The following PRR16 variants were observed in gnomAD, a reference collection of about 807,000 sequenced individuals.
PRR16 encodes proline rich 16.
In PRR16, 6 loss-of-function variants were observed where a neutral mutation model predicts 18.2. The ratio of observed to expected loss-of-function variants is 0.33; its 90% confidence interval spans 0.18 to 0.65. The LOEUF is 0.65. Among genes scored for constraint, PRR16 ranks in the 30% least tolerant of loss-of-function variants. The probability of loss-of-function intolerance (pLI) is 0.74; values close to 1 mark genes in which losing one functional copy is unlikely to be tolerated. For synonymous variants in PRR16, 151 were observed against 147.8 expected (o/e 1.02, Z -0.16); for missense variants, 412 against 376.6 (o/e 1.09, Z -0.78).
the PRR16 span, among the ~76,000 whole-genome samples, chr5:120,785,509 TAATTATTTG>T: frequency 2.2e-5 from 3 of 138,550 alleles, no homozygotes; most frequent in African/African-American, 8.7e-5. Flanking sequence ...TCTATCAGAT[TAATTATTTG>T]ATTTACTTGT....
the PRR16 span, among the ~76,000 whole-genome samples, chr5:120,707,185 A>G: frequency 1.3e-5 from 2 of 152,220 alleles, no homozygotes; most frequent in African/African-American, 2.4e-5. Context: ...TTAGGGGGCT[A>G]TGAAGGCCAT....
intron 1 of PRR16, among the ~76,000 whole-genome samples, chr5:120,503,095 A>AT (rs1750520806): frequency 6.6e-6 from 1 of 152,190 alleles, no homozygotes. Flanking sequence ...GGTTAAAGAC[A>AT]TTGAAAGCCC....
rs1389170551 is a variant in PRR16, at chr5:120,686,549, C to T, written c.755C>T (p.Pro252Leu). ...GKIPHQGPPL[P>L]PTPHLPPFPL... is the part of the protein sequence containing the mutation. ...ATTCCTCACCAAGGCCCTCCCCTCC[C>T]TCCTACACCCCATCTCCCTCCTTTC... The change falls in exon 2 of 2, where the codon CCT becomes CTT. Residue 252 changes from proline to leucine, a missense_variant. Physicochemically the swap from Pro to Leu is moderately conservative, Grantham distance 98. Coordinates refer to ENST00000407149, the MANE Select transcript of PRR16 (RefSeq NM_001300783.2). The T allele has an allele frequency of 8.1e-6, 13 of 1,613,674 alleles. No individual in the cohort carries two copies. The highest frequency in any genetic ancestry group is 1.3e-5 in the African/African-American group (1 of 74,828).
the PRR16 span, among the ~76,000 whole-genome samples, chr5:120,707,573 C>A: frequency 6.6e-6 from 1 of 152,152 alleles, no homozygotes; most frequent in Admixed American, 6.6e-5. Flanking sequence ...GCCATATAAT[C>A]TGCCTGACTG....
the PRR16 span, among the ~76,000 whole-genome samples, chr5:120,698,950 C>A: frequency 6.6e-6 from 1 of 152,244 alleles, no homozygotes; most frequent in East Asian, 1.9e-4. Context: ...GAAGGCTAAA[C>A]TGAGGAATTA....
chr5:120,577,174 AAATC>A (rs1433926430), intron 1 of PRR16, among the ~76,000 whole-genome samples: 80 of 152,190 alleles, frequency 5.3e-4, no homozygotes, highest in Middle Eastern at 3.4e-3. Context: ...TAGCCAAACA[AAATC>A]AATATGTGTT....
At chr5:120,737,622 C>T in the PRR16 span, among the ~76,000 whole-genome samples, 1 of 150,362 alleles carries the variant, frequency 6.7e-6, no homozygotes, top group Admixed American at 6.6e-5. Context: ...ACTGCTCCCT[C>T]TCTTAGTTTT....
At chr5:120,769,681 AT>A in the PRR16 span, among the ~76,000 whole-genome samples, 1 of 151,610 alleles carries the variant, frequency 6.6e-6, no homozygotes, top group Non-Finnish European at 1.5e-5. Flanking sequence ...TGGAATGCAG[AT>A]TTTTTTTGAC....
At chr5:120,519,366 G>A (rs550486387) in intron 1 of PRR16, among the ~76,000 whole-genome samples, 38 of 152,156 alleles carry the variant, frequency 2.5e-4, no homozygotes, top group African/African-American at 7.0e-4. Context: ...TGATAATTAC[G>A]TAATAAAAAG....
intron 1 of PRR16, among the ~76,000 whole-genome samples, chr5:120,648,563 A>G (rs1190270432): frequency 1.3e-5 from 2 of 152,114 alleles, no homozygotes; most frequent in African/African-American, 4.8e-5. Flanking sequence ...GAGAATAAAT[A>G]TCTCTATTAT....
the PRR16 span, among the ~76,000 whole-genome samples, chr5:120,694,162 A>C: frequency 6.6e-6 from 1 of 152,108 alleles, no homozygotes; most frequent in Non-Finnish European, 1.5e-5. Flanking sequence ...CTTCTTACCA[A>C]ATTACTCGTG....
chr5:120,675,493 C>G (rs527588263), intron 1 of PRR16, among the ~76,000 whole-genome samples: 2 of 152,278 alleles, frequency 1.3e-5, no homozygotes, highest in African/African-American at 2.4e-5. Flanking sequence ...CTGTATTCCA[C>G]TTTCAAATTT....
the PRR16 span, among the ~76,000 whole-genome samples, chr5:120,751,523 A>G: frequency 1.3e-5 from 2 of 151,980 alleles, no homozygotes; most frequent in African/African-American, 2.4e-5. Context: ...TATTTCTCTG[A>G]TGATTAGTGA....
chr5:120,671,807 T>TATC (rs1561607429), intron 1 of PRR16, among the ~76,000 whole-genome samples: 1 of 152,162 alleles, frequency 6.6e-6, no homozygotes, highest in African/African-American at 2.4e-5. Context: ...TAAATATGTG[T>TATC]GTGTACATAT....
At chr5:120,693,068 T>C in the PRR16 span, among the ~76,000 whole-genome samples, 1 of 152,180 alleles carries the variant, frequency 6.6e-6, no homozygotes, top group Non-Finnish European at 1.5e-5. Context: ...GCCAAATAAA[T>C]ATCATGACTT....
intron 1 of PRR16, among the ~76,000 whole-genome samples, chr5:120,476,372 T>G (rs150834588): frequency 0.011 from 1,639 of 152,320 alleles, 14 homozygotes; most frequent in Middle Eastern, 0.017. Flanking sequence ...TTGATATCTG[T>G]GCTCCTTATG....
chr5:120,638,808 T>C (rs951786177), intron 1 of PRR16, among the ~76,000 whole-genome samples: 1 of 152,118 alleles, frequency 6.6e-6, no homozygotes, highest in Non-Finnish European at 1.5e-5. Flanking sequence ...TATCTCTCTG[T>C]TTTTCTGATT....
At chr5:120,492,983 C>T (rs1750116081) in intron 1 of PRR16, among the ~76,000 whole-genome samples, 2 of 152,140 alleles carry the variant, frequency 1.3e-5, no homozygotes, top group African/African-American at 4.8e-5. Flanking sequence ...AGTTTGGTTC[C>T]ACATCCTCGG....
chr5:120,556,671 C>G (rs1053201580), intron 1 of PRR16, among the ~76,000 whole-genome samples: 3 of 151,648 alleles, frequency 2.0e-5, no homozygotes, highest in African/African-American at 7.3e-5. Flanking sequence ...TTATTCAATT[C>G]AGGTAAAAAG....
Sources: allele counts gnomAD v4.1 joint callset (sites outside exome capture counted in the v4.1 genomes callset), GRCh38; gene constraint gnomAD v4.1.1; transcripts MANE v1.5; gene names NCBI Gene and HGNC (gene_info 2026-07-23, HGNC 2026-07-21).